Variants in PHLPP1 observed in about 807,000 individuals in gnomAD.
PHLPP1 encodes the protein PH domain and leucine rich repeat protein phosphatase 1, also known as PH domain leucine-rich repeat-containing protein phosphatase 1.
A neutral mutation model predicts 117.2 loss-of-function variants in PHLPP1; 42 were observed. The observed-to-expected ratio is 0.36, with a 90% CI of 0.28 to 0.46. The LOEUF is 0.46. Among genes scored for constraint, PHLPP1 ranks in the 20% least tolerant of loss-of-function variants. The pLI, the probability that PHLPP1 is intolerant of heterozygous loss-of-function variation, is 1.00. For synonymous variants in PHLPP1, 1,042 were observed against 970.7 expected, an observed-to-expected ratio of 1.07 and a Z score of -1.37; for missense variants, 2,084 against 2,241.9, an observed-to-expected ratio of 0.93 and a Z score of 1.42.
chr18:62,903,488 C>T (rs978910325), intron 7 of PHLPP1, among the ~76,000 whole-genome samples: 15 of 152,210 alleles, frequency 9.9e-5, no homozygotes, highest in Non-Finnish European at 1.5e-4. Context: ...TCTTTACTAC[C>T]TTATTACTAA....
intron 3 of PHLPP1, among the ~76,000 whole-genome samples, chr18:62,848,223 G>C (rs1436337240): frequency 1.3e-5 from 2 of 152,072 alleles, no homozygotes. Context: ...TGTGAGGTCA[G>C]CCCTAAAAGA....
rs1205817811 is a variant in PHLPP1, at chr18:62,716,314, A to G, written c.631A>G (p.Met211Val). 2.0e-6 allele frequency: 3 copies of G among 1,530,910 alleles called. No homozygotes were observed. Among genetic ancestry groups the G allele is most frequent in the Non-Finnish European group, 2.6e-6 (3 of 1,145,160 alleles). The allele number at this position is 1,530,910 out of a possible 1,614,324, so 94.8% of individuals were successfully genotyped here. The change falls in exon 1 of 17, where the codon ATG (methionine) becomes GTG (valine). Residue 211 changes from methionine (M) to valine (V), a missense_variant. This residue lies in a region of PHLPP1 where 719 missense variants were observed against 636.0 expected (regional missense o/e 1.13). Coordinates refer to ENST00000262719, the MANE Select transcript of PHLPP1 (RefSeq NM_194449.4). This position sits in a 1 kb window ranked among gnomAD's most constrained non-coding sequence, Gnocchi z 5.7. ...RGCVHVFDRH[M>V]ASTYLRPVLC... ...CTGCGTGCACGTCTTCGACCGCCAC[A>G]TGGCCTCGACCTACCTGCGCCCGGT...
At chr18:62,939,681 T>C (rs898017599) in intron 10 of PHLPP1, among the ~76,000 whole-genome samples, 15 of 151,514 alleles carry the variant, frequency 9.9e-5, no homozygotes, top group Non-Finnish European at 1.5e-5. Context: ...GTTTCTTTAA[T>C]GGAAAATGTT....
At chr18:62,890,856 T>A (rs990017618) in intron 4 of PHLPP1, among the ~76,000 whole-genome samples, 1 of 152,222 alleles carries the variant, frequency 6.6e-6, no homozygotes, top group Non-Finnish European at 1.5e-5. Context: ...AGGAACTTTT[T>A]TTTAAGTTAA....
intron 1 of PHLPP1, among the ~76,000 whole-genome samples, chr18:62,754,049 C>G (rs1190685101): frequency 1.3e-5 from 2 of 152,152 alleles, no homozygotes; most frequent in African/African-American, 4.8e-5. Flanking sequence ...GCTTGTAGTT[C>G]CCACCCTGCT....
intron 10 of PHLPP1, among the ~76,000 whole-genome samples, chr18:62,922,709 G>C (rs1909512143): frequency 6.6e-6 from 1 of 152,130 alleles, no homozygotes; most frequent in Non-Finnish European, 1.5e-5. Context: ...AACTATTAGA[G>C]GTTATCAGTG....
At chr18:62,814,597 T>G (rs1484294671) in intron 1 of PHLPP1, among the ~76,000 whole-genome samples, 1 of 152,224 alleles carries the variant, frequency 6.6e-6, no homozygotes, top group African/African-American at 2.4e-5. Flanking sequence ...AGGTGAGAGT[T>G]GAGTGTTTTC....
At chr18:62,788,254 AGGTGTCCTG>A in intron 1 of PHLPP1, among the ~76,000 whole-genome samples, 1 of 152,124 alleles carries the variant, frequency 6.6e-6, no homozygotes, top group South Asian at 2.1e-4. Flanking sequence ...TTCACTGCCC[AGGTGTCCTG>A]GGCACACTTG....
In PHLPP1 at chr18:62,978,317, T is replaced by A; in HGVS notation, c.4040T>A (p.Leu1347His). The A allele has an allele frequency of 6.2e-7, 1 of 1,613,206 alleles. No homozygotes were observed. The highest frequency in any genetic ancestry group is 8.5e-7 in the Non-Finnish European group (1 of 1,179,464). Reference protein sequence around the residue: ...ESTRILGYTFLHPSVVPRPHV... With the variant: ...ESTRILGYTFHHPSVVPRPHV... Reference sequence around the variant, plus strand: ...ACGCGCATCCTGGGCTACACCTTCCTCCATCCCAGTGTGGTGCCTCGCCCC... The same window carrying A: ...ACGCGCATCCTGGGCTACACCTTCCACCATCCCAGTGTGGTGCCTCGCCCC... The change falls in exon 17 of 17, where the codon CTC becomes CAC. Residue 1347 changes from leucine (L) to histidine (H), a missense_variant. By Grantham distance (99) the Leu-to-His change is moderately conservative. Around this residue, in one of 2 missense-constraint regions of PHLPP1, gnomAD observed 1,365 missense variants for 1,605.9 expected, o/e 0.85. Transcript: ENST00000262719. The surrounding 1 kb of genome is among the most constrained non-coding windows in gnomAD (Gnocchi z 7.0).
At chr18:62,840,260 C>T (rs994277504) in intron 3 of PHLPP1, among the ~76,000 whole-genome samples, 12 of 152,118 alleles carry the variant, frequency 7.9e-5, no homozygotes, top group Non-Finnish European at 7.4e-5. Flanking sequence ...GGTTTCTCTT[C>T]CTTTTAGAGA....
chr18:62,866,390 A>G (rs1287388214), intron 4 of PHLPP1, among the ~76,000 whole-genome samples: 4 of 151,628 alleles, frequency 2.6e-5, no homozygotes, highest in Admixed American at 1.3e-4. Context: ...GATTACAGGC[A>G]CCCGCCACCA....
intron 4 of PHLPP1, among the ~76,000 whole-genome samples, chr18:62,866,936 C>T (rs376817006): frequency 5.9e-5 from 9 of 152,214 alleles, no homozygotes; most frequent in Admixed American, 3.3e-4. Context: ...TGGTCTGTTG[C>T]GCTACCTTTG....
chr18:62,956,379 G>T (rs933450393), intron 12 of PHLPP1, among the ~76,000 whole-genome samples: 3 of 152,128 alleles, frequency 2.0e-5, no homozygotes, highest in African/African-American at 7.2e-5. Context: ...ATGCATGAGG[G>T]CAAAGCCCTT....
intron 2 of PHLPP1, among the ~76,000 whole-genome samples, chr18:62,835,197 CT>C (rs1027146170): frequency 1.4e-4 from 20 of 142,946 alleles, no homozygotes; most frequent in African/African-American, 3.3e-4. Context: ...ATCAATGATC[CT>C]TTTTTTTTTC....
intron 1 of PHLPP1, among the ~76,000 whole-genome samples, chr18:62,757,114 G>T (rs972147443): frequency 1.3e-5 from 2 of 152,170 alleles, no homozygotes; most frequent in Admixed American, 1.3e-4. Context: ...TTGTACAGAC[G>T]TCAACATTGT....
At position 62,715,766 on chromosome 18, in the gene PHLPP1, C is replaced by A; in HGVS notation, c.83C>A (p.Ala28Asp). 1 of 971,222 alleles carries A rather than the reference C, an allele frequency of 1.0e-6. No individual in the cohort carries two copies. Among genetic ancestry groups the A allele is most frequent in the Non-Finnish European group, 1.3e-6 (1 of 792,684 alleles). The allele number at this position is 971,222 out of a possible 1,614,324, so 60.2% of individuals were successfully genotyped here. A position where few individuals can be genotyped will look rare whatever the true frequency, so the allele number is the denominator to read the frequency against. Residue 28 changes from alanine to aspartate, a missense_variant, in exon 1 of 17, where the codon GCT (alanine) becomes GAT (aspartate). Ala to Asp is a moderately radical substitution (Grantham distance 126). Around this residue, in one of 2 missense-constraint regions of PHLPP1, gnomAD observed 719 missense variants for 636.0 expected, o/e 1.13. Transcript: ENST00000262719. ...EDRASAPAAAAAAAAAAAAAA... is the reference protein window; with the variant it reads ...EDRASAPAAADAAAAAAAAAA... ...CGAGCTTCGGCTCCGGCGGCCGCCG[C>A]TGCGGCAGCAGCAGCAGCAGCGGCG...
At chr18:62,864,585 A>C (rs1222762226) in intron 4 of PHLPP1, among the ~76,000 whole-genome samples, 1 of 152,258 alleles carries the variant, frequency 6.6e-6, no homozygotes, top group Non-Finnish European at 1.5e-5. Context: ...GCTTATCTGC[A>C]TTCCTACACA....
At chr18:62,848,455 A>ATTT (rs56223512) in intron 3 of PHLPP1, among the ~76,000 whole-genome samples, 1,076 of 88,458 alleles carry the variant, frequency 0.012, 4 homozygotes, top group Non-Finnish European at 0.014. Flanking sequence ...TTTTTTGTTG[A>ATTT]TTTTTTTTTT....
chr18:62,753,509 T>C (rs1192851878), intron 1 of PHLPP1, among the ~76,000 whole-genome samples: 1 of 152,238 alleles, frequency 6.6e-6, no homozygotes, highest in African/African-American at 2.4e-5. Context: ...TGGCATCTGG[T>C]CCTGTTCCCT....
Sources: gnomAD v4.1 joint callset for allele counts (sites outside exome capture counted in the v4.1 genomes callset) on GRCh38, gnomAD v4.1.1 for gene constraint, gnomAD v4.1.1 regional missense constraint, Gnocchi (gnomAD v3.1) non-coding constraint, MANE v1.5 for transcripts, NCBI Gene and HGNC (gene_info 2026-07-23, HGNC 2026-07-21) for gene names.